Variants in PDLIM3 observed in about 807,000 individuals in gnomAD.
The protein encoded by PDLIM3 is PDZ and LIM domain protein 3.
A neutral mutation model predicts 37.3 loss-of-function variants in PDLIM3; 36 were observed. The observed-to-expected ratio is 0.97, with a 90% CI of 0.74 to 1.28. The LOEUF (loss-of-function observed/expected upper bound fraction) is 1.28, where lower values mean the gene tolerates loss of function less well. Among genes scored for constraint, PDLIM3 ranks in the 50% most tolerant of loss-of-function variants. PDLIM3 has a pLI of 0.00. For synonymous variants in PDLIM3, 174 were observed against 182.4 expected, an observed-to-expected ratio of 0.95 and a Z score of 0.37; for missense variants, 454 against 485.0, an observed-to-expected ratio of 0.94 and a Z score of 0.60.
chr4:185,523,077 C>T lies in PDLIM3; in HGVS notation c.330+285G>A, dbSNP rs2095725348. ...TACCTCACGGTCATTTCACAGAAGT[C>T]CATTATAAGAAATGAAAAAATAATA... On this transcript the variant is annotated intron_variant, in intron 3 of 7. Coordinates refer to ENST00000284767, the MANE Select transcript of PDLIM3 (RefSeq NM_014476.6). 3 of 346,398 alleles carry T rather than the reference C, an allele frequency of 8.7e-6. No homozygotes were observed. In the Admixed American group the frequency reaches 1.4e-4, roughly 17 times the overall value. 21.5% of individuals were successfully genotyped at this position (346,398 alleles called of 1,614,324 possible). A position where few individuals can be genotyped will look rare whatever the true frequency, so the allele number is the denominator to read the frequency against.
intron 1 of PDLIM3, among the ~76,000 whole-genome samples, chr4:185,526,586 T>C (rs1432438684): frequency 2.0e-5 from 3 of 152,236 alleles, no homozygotes; most frequent in Admixed American, 2.0e-4. Context: ...ATGATTCTTT[T>C]GACCAGTATA....
At chr4:185,506,473 T>C in intron 6 of PDLIM3, 49 bp downstream of exon 6, 2 of 1,610,936 alleles carry the variant, frequency 1.2e-6, no homozygotes, top group Non-Finnish European at 1.7e-6. Context: ...TCCCGCCCCC[T>C]GCAGTGGCCT....
intron 1 of PDLIM3, among the ~76,000 whole-genome samples, chr4:185,533,973 G>A (rs1008892979): frequency 2.0e-5 from 3 of 152,084 alleles, no homozygotes; most frequent in South Asian, 2.1e-4. Flanking sequence ...TAGATATAAC[G>A]GAAACTGTTT....
At chr4:185,506,825 T>C (rs769375811) in intron 5 of PDLIM3, 173 bp from the exon 6 acceptor site, 23 of 603,132 alleles carry the variant, frequency 3.8e-5, no homozygotes, top group Non-Finnish European at 5.8e-5. Flanking sequence ...TGAATTCAAA[T>C]GGCTGCCTTG....
chr4:185,513,840 G>C, intron 4 of PDLIM3: 3 of 1,095,868 alleles, frequency 2.7e-6, no homozygotes, highest in Non-Finnish European at 1.1e-6. Context: ...ACTGAGAGAC[G>C]AGAAGGAAGA....
chr4:185,511,228 A>G (rs544424268), intron 4 of PDLIM3, among the ~76,000 whole-genome samples: 1 of 152,346 alleles, frequency 6.6e-6, no homozygotes, highest in African/African-American at 2.4e-5. Flanking sequence ...CTTTACCCTT[A>G]AAAATTTTAC....
At chr4:185,528,449 A>G (rs1253567277) in intron 1 of PDLIM3, among the ~76,000 whole-genome samples, 1 of 152,258 alleles carries the variant, frequency 6.6e-6, no homozygotes, top group Non-Finnish European at 1.5e-5. Context: ...TAACAATATT[A>G]ATACTAAATA....
chr4:185,534,395 G>A (rs2153340319), intron 1 of PDLIM3, among the ~76,000 whole-genome samples: 2 of 152,110 alleles, frequency 1.3e-5, no homozygotes, highest in South Asian at 2.1e-4. Context: ...GGAAGTTTAC[G>A]CCTTTAGGTA....
At chr4:185,508,685 T>A in intron 4 of PDLIM3, 123 bp from the exon 5 acceptor site, 1 of 879,140 alleles carries the variant, frequency 1.1e-6, no homozygotes, top group Non-Finnish European at 1.9e-6. Context: ...AGAGGTGAAT[T>A]ACATCAAAAT....
chr4:185,525,309 C>T (rs1165969881), intron 1 of PDLIM3, 138 bp from the exon 2 acceptor site: 1 of 859,162 alleles, frequency 1.2e-6, no homozygotes, highest in African/African-American at 1.7e-5. Context: ...CTAAAGATAA[C>T]TCTTAGTTGG....
chr4:185,522,814 T>C (rs1468066326), intron 3 of PDLIM3, among the ~76,000 whole-genome samples: 1 of 67,358 alleles, frequency 1.5e-5, no homozygotes, highest in African/African-American at 2.7e-5. Flanking sequence ...CCTTTATCTT[T>C]TATAATTCAG....
intron 1 of PDLIM3, among the ~76,000 whole-genome samples, chr4:185,526,416 A>C (rs1351978): frequency 0.22 from 33,497 of 152,180 alleles, 5,138 homozygotes; most frequent in African/African-American, 0.43. Flanking sequence ...TAGGTGAAGA[A>C]GTGAGATCCA....
At chr4:185,532,282 G>T (rs1397901973) in intron 1 of PDLIM3, among the ~76,000 whole-genome samples, 1 of 152,150 alleles carries the variant, frequency 6.6e-6, no homozygotes, top group Non-Finnish European at 1.5e-5. Context: ...TGCTCTACTA[G>T]GCACTGTGCT....
At position 185,513,395 on chromosome 4, in the gene PDLIM3, G is replaced by T. The variant is rs1020459870; in HGVS notation, c.398+875C>A. On this transcript the variant is annotated intron_variant, in intron 4 of 7. Coordinates refer to ENST00000284767, the MANE Select transcript of PDLIM3 (RefSeq NM_014476.6). Reference sequence around the variant, plus strand: ...CTTATGACAGGAGTCATAAGCTCGGGTGTCTAGAGGGGCCAGGAGGTCACA... The same window carrying T: ...CTTATGACAGGAGTCATAAGCTCGGTTGTCTAGAGGGGCCAGGAGGTCACA... 5.1e-6 allele frequency: 5 copies of T among 972,836 alleles called. No individual in the cohort carries two copies. In the African/African-American group the frequency reaches 7.0e-5, roughly 14 times the overall value. The allele number at this position is 972,836 out of a possible 1,614,324, so 60.3% of individuals were successfully genotyped here.
At chr4:185,520,533 G>A (rs917748823) in intron 3 of PDLIM3, among the ~76,000 whole-genome samples, 3 of 25,480 alleles carry the variant, frequency 1.2e-4, no homozygotes, top group African/African-American at 1.4e-4. Context: ...GCTAATACAT[G>A]CTTGACAAGA....
rs1305441463 is a variant in PDLIM3, at chr4:185,535,377, C to T, written c.58G>A (p.Gly20Ser). The stretch of plus-strand genomic sequence containing the variant: ...ACCAAAGGCTGGTTGAAGTCTATGC[C>T]CCCTGAGAGCCTGAAGCCCCAGGGC... ...PAPWGFRLSGGIDFNQPLVIT... is the reference protein window; with the variant it reads ...PAPWGFRLSGSIDFNQPLVIT... The change falls in exon 1 of 8, where the codon GGC becomes AGC. Residue 20 changes from glycine (G) to serine (S), a missense_variant. Physicochemically the swap from Gly to Ser is moderately conservative, Grantham distance 56. Transcript: ENST00000284767. 1 of 1,608,486 alleles carries T rather than the reference C, an allele frequency of 6.2e-7. No homozygotes were observed. Among genetic ancestry groups the T allele is most frequent in the Admixed American group, 1.7e-5 (1 of 59,578 alleles).
chr4:185,502,986 G>C (rs2153330834), intron 7 of PDLIM3, among the ~76,000 whole-genome samples: 1 of 152,282 alleles, frequency 6.6e-6, no homozygotes, highest in Non-Finnish European at 1.5e-5. Context: ...CCAGCACTTT[G>C]AGAGGCCAAG....
chr4:185,513,214 G>A (rs979007132), intron 4 of PDLIM3: 3 of 985,364 alleles, frequency 3.0e-6, no homozygotes, highest in Non-Finnish European at 3.6e-6. Flanking sequence ...CCTTCTTAAC[G>A]CCTTTCTCCT....
intron 1 of PDLIM3, among the ~76,000 whole-genome samples, chr4:185,531,677 T>A (rs11132316): frequency 0.7 from 106,511 of 152,028 alleles, 41,762 homozygotes; most frequent in Non-Finnish European, 0.87. Context: ...GGGTATAGCT[T>A]GTAGGAGGAC....
Sources: gnomAD v4.1 joint callset for allele counts (sites outside exome capture counted in the v4.1 genomes callset) on GRCh38, gnomAD v4.1.1 for gene constraint, MANE v1.5 for transcripts, NCBI Gene and HGNC (gene_info 2026-07-23, HGNC 2026-07-21) for gene names.